Variants in ZMPSTE24 observed in about 807,000 individuals in gnomAD.
ZMPSTE24 encodes zinc metallopeptidase STE24.
In ZMPSTE24, 48 loss-of-function variants were observed where a neutral mutation model predicts 56.7. The ratio of observed to expected loss-of-function variants is 0.85; its 90% CI spans 0.67 to 1.08. The LOEUF (loss-of-function observed/expected upper bound fraction) is 1.08, where lower values mean the gene tolerates loss of function less well. Among genes scored for constraint, ZMPSTE24 ranks in the 50% least tolerant of loss-of-function variants. The probability of loss-of-function intolerance (pLI) is 0.00; values close to 1 mark genes in which losing one functional copy is unlikely to be tolerated. For missense variants in ZMPSTE24, 503 were observed against 548.7 expected (o/e 0.92, Z 0.83); for synonymous variants, 172 against 195.2 (o/e 0.88, Z 0.99).
chr1:40,273,886 C>T (rs887142941), intron 6 of ZMPSTE24, among the ~76,000 whole-genome samples: 12 of 151,684 alleles, frequency 7.9e-5, no homozygotes, highest in African/African-American at 1.5e-4. Context: ...TGAAATATAT[C>T]GGTGCTATTT....
At position 40,260,952 on chromosome 1, in the gene ZMPSTE24, C is replaced by G; in HGVS notation, c.237C>G (p.Phe79Leu). Residue 79 changes from phenylalanine to leucine, a missense_variant, in exon 2 of 10, where the codon TTC becomes TTG. By Grantham distance (22) the Phe-to-Leu change is conservative. Coordinates refer to ENST00000372759, the MANE Select transcript of ZMPSTE24 (RefSeq NM_005857.5). ...LYQLDKSTFS[F>L]WSGLYSETEG... is the part of the protein sequence containing the mutation. ...AACTGGATAAAAGCACTTTCAGCTTCTGGTCAGGACTCTATTCAGAGACTG... is the reference window on the plus strand; with the variant it reads ...AACTGGATAAAAGCACTTTCAGCTTGTGGTCAGGACTCTATTCAGAGACTG... 1 of 1,614,146 alleles carries G rather than the reference C, an allele frequency of 6.2e-7. No individual in the cohort carries two copies.
chr1:40,258,753 T>C (rs1643465216), intron 1 of ZMPSTE24, among the ~76,000 whole-genome samples: 1 of 152,146 alleles, frequency 6.6e-6, no homozygotes, highest in African/African-American at 2.4e-5. Flanking sequence ...TCATGACATT[T>C]ATGTAATCAT....
chr1:40,275,265 C>CAAAAAAA (rs869166476), intron 6 of ZMPSTE24, among the ~76,000 whole-genome samples: 4 of 38,626 alleles, frequency 1.0e-4, no homozygotes, highest in Non-Finnish European at 1.0e-4. Context: ...ACTAAAAATA[C>CAAAAAAA]AAAAAAAAAA....
intron 2 of ZMPSTE24, among the ~76,000 whole-genome samples, chr1:40,263,846 A>G (rs1643522369): frequency 6.7e-6 from 1 of 150,198 alleles, no homozygotes; most frequent in Non-Finnish European, 1.5e-5. Flanking sequence ...GCACCCAGAC[A>G]GAAAATTCCA....
intron 6 of ZMPSTE24, among the ~76,000 whole-genome samples, chr1:40,280,998 A>G (rs958334836): frequency 5.9e-5 from 9 of 152,202 alleles, no homozygotes; most frequent in African/African-American, 2.2e-4. Context: ...CCTTCACAAT[A>G]TATTGGTGAG....
At chr1:40,268,395 A>G (rs539699635) in intron 3 of ZMPSTE24, 24 bp from the exon 4 acceptor site, 194 of 1,553,780 alleles carry the variant, frequency 1.2e-4, no homozygotes, top group Non-Finnish European at 1.7e-4. Context: ...TAAAAACTGG[A>G]TTTTTGTTTT....
chr1:40,269,108 A>T (rs955141897), intron 4 of ZMPSTE24, among the ~76,000 whole-genome samples: 4 of 148,066 alleles, frequency 2.7e-5, no homozygotes, highest in Admixed American at 6.7e-5. Flanking sequence ...GAAAGAAAAA[A>T]AGTCTTGACT....
chr1:40,278,340 C>T (rs1007245937), intron 6 of ZMPSTE24, among the ~76,000 whole-genome samples: 5 of 151,664 alleles, frequency 3.3e-5, no homozygotes, highest in African/African-American at 9.7e-5. Context: ...TCTCGTGTAA[C>T]GAGGTCAGGA....
chr1:40,271,903 A>G lies in ZMPSTE24; in HGVS notation c.637A>G (p.Thr213Ala), dbSNP rs1483992935. 6.2e-7 allele frequency: 1 copy of G among 1,613,520 alleles called. No individual in the cohort carries two copies. Among genetic ancestry groups the G allele is most frequent in the African/African-American group, 1.3e-5 (1 of 74,926 alleles). The change falls in exon 6 of 10, where the codon ACA becomes GCA. Residue 213 changes from threonine to alanine, a missense_variant. Transcript: ENST00000372759. The stretch of plus-strand genomic sequence containing the variant: ...GACATTTACTTTTCAGGTTCTTGTC[A>G]CAATCTATGCTGATTATATTGCCCC... ...FTLVVSLVLV[T>A]IYADYIAPLF...
intron 8 of ZMPSTE24, among the ~76,000 whole-genome samples, chr1:40,290,341 T>C (rs1643827979): frequency 6.7e-6 from 1 of 149,924 alleles, no homozygotes; most frequent in South Asian, 2.1e-4. Context: ...GCCGAGATCG[T>C]GCCACTGAGC....
intron 5 of ZMPSTE24, among the ~76,000 whole-genome samples, chr1:40,271,484 T>C (rs1643613404): frequency 6.6e-6 from 1 of 152,246 alleles, no homozygotes. Flanking sequence ...ACAATCAAGT[T>C]CTACTAATTC....
At chr1:40,263,235 C>T (rs1643516152) in intron 2 of ZMPSTE24, among the ~76,000 whole-genome samples, 1 of 152,134 alleles carries the variant, frequency 6.6e-6, no homozygotes, top group South Asian at 2.1e-4. Flanking sequence ...TACTGTGGCT[C>T]AAACTAGAAG....
chr1:40,283,605 T>C (rs1339174638), intron 7 of ZMPSTE24, among the ~76,000 whole-genome samples: 1 of 152,218 alleles, frequency 6.6e-6, no homozygotes, highest in Non-Finnish European at 1.5e-5. Context: ...TTCAGTGTTC[T>C]AAAATTTCAC....
Position 40,290,902 on chromosome 1 carries a change from A to G in ZMPSTE24, c.1108A>G (p.Lys370Glu), listed in dbSNP as rs1442168517. ...FFLFAVLIGR[K>E]ELFAAFGFYD... is the part of the protein sequence containing the mutation. ...TTTATTTGCTGTATTAATTGGTCGA[A>G]AGGAGCTTTTTGCTGCATTTGGTTT... The change falls in exon 9 of 10, where the codon AAG becomes GAG. Residue 370 changes from lysine (K) to glutamate (E), a missense_variant. Lys to Glu is a moderately conservative substitution (Grantham distance 56). Coordinates refer to ENST00000372759, the MANE Select transcript of ZMPSTE24 (RefSeq NM_005857.5). The G allele has an allele frequency of 6.8e-6, 11 of 1,614,042 alleles. No homozygotes were observed. The highest frequency in any genetic ancestry group is 9.3e-6 in the Non-Finnish European group (11 of 1,179,992).
intron 6 of ZMPSTE24, among the ~76,000 whole-genome samples, chr1:40,278,985 C>T (rs1229242303): frequency 6.6e-6 from 1 of 152,038 alleles, no homozygotes; most frequent in African/African-American, 2.4e-5. Flanking sequence ...CCTGTCTCTA[C>T]AAAAAATTAG....
In ZMPSTE24 at chr1:40,276,897, T is replaced by C. The variant is rs1643676235; in HGVS notation, c.770-4446T>C. 2.0e-5 allele frequency among the ~76,000 whole-genome samples: 3 copies of C among 152,302 alleles called. No homozygotes were observed. In the South Asian group the frequency reaches 6.2e-4, roughly 32 times the overall value. On this transcript the variant is annotated intron_variant, in intron 6 of 9. Coordinates refer to ENST00000372759, the MANE Select transcript of ZMPSTE24 (RefSeq NM_005857.5). The stretch of plus-strand genomic sequence containing the variant: ...GTATCTAAACATAGAAAAGATAGTG[T>C]GCTCTGCTACAACATTACGGTGGCT...
At chr1:40,263,868 A>G (rs1643522612) in intron 2 of ZMPSTE24, among the ~76,000 whole-genome samples, 1 of 152,026 alleles carries the variant, frequency 6.6e-6, no homozygotes, top group South Asian at 2.1e-4. Flanking sequence ...CCTCTCTGAG[A>G]CACTTTCTCT....
At chr1:40,271,115 A>G (rs1007596807) in intron 5 of ZMPSTE24, among the ~76,000 whole-genome samples, 2 of 152,146 alleles carry the variant, frequency 1.3e-5, no homozygotes, top group Non-Finnish European at 2.9e-5. Context: ...TACAGTGGCT[A>G]TTTCACAGGC....
At chr1:40,282,469 T>TAATCCCAGCA (rs1232526113) in intron 7 of ZMPSTE24, among the ~76,000 whole-genome samples, 1 of 152,076 alleles carries the variant, frequency 6.6e-6, no homozygotes, top group Non-Finnish European at 1.5e-5. Flanking sequence ...TCACTCACTG[T>TAATCCCAGCA]CTGTGTAACT....
Sources: allele counts gnomAD v4.1 joint callset (sites outside exome capture counted in the v4.1 genomes callset), GRCh38; gene constraint gnomAD v4.1.1; transcripts MANE v1.5; gene names NCBI Gene and HGNC (gene_info 2026-07-23, HGNC 2026-07-21).